The following SCARA5 variants were observed in gnomAD, a reference collection of about 807,000 sequenced individuals.
SCARA5 encodes the protein scavenger receptor class A member 5.
Under a neutral mutation model 46.3 loss-of-function variants are expected in SCARA5, and 45 were observed. That is an observed-to-expected ratio of 0.97 (90% CI 0.76 to 1.24). SCARA5 has a LOEUF of 1.24. Ranked by LOEUF, SCARA5 falls within the 50% of genes most tolerant of loss-of-function variation. The pLI is 0.00. For missense variants in SCARA5, 680 were observed against 689.0 expected (o/e 0.99, Z 0.15); for synonymous variants, 333 against 306.5 (o/e 1.09, Z -0.90).
intron 4 of SCARA5, chr8:27,910,121 C>T (rs1030872556): frequency 2.3e-5 from 4 of 176,078 alleles, no homozygotes; most frequent in African/African-American, 9.5e-5. Flanking sequence ...GGGGGTCAGC[C>T]CACATGGGGT....
At chr8:27,982,948 C>T (rs933573167) in intron 2 of SCARA5, among the ~76,000 whole-genome samples, 5 of 152,196 alleles carry the variant, frequency 3.3e-5, no homozygotes, top group Non-Finnish European at 7.3e-5. Context: ...AGGAGTGGAA[C>T]GGTGCCTGCA....
intron 3 of SCARA5, among the ~76,000 whole-genome samples, chr8:27,952,396 A>G (rs531080234): frequency 6.6e-5 from 10 of 152,280 alleles, no homozygotes; most frequent in African/African-American, 2.4e-4. Flanking sequence ...ACCATCTGGC[A>G]GTTGGAGATC....
At position 27,921,565 on chromosome 8, in the gene SCARA5, C is replaced by A. The variant is rs749249142; in HGVS notation, c.916+6G>T. ...GTGGGTGGAGGCAGCAAGGGCCTGG[C>A]GGTACCTTTCGCGAGGGAGATGTTC... On this transcript the variant is annotated splice_donor_region_variant and intron_variant, in intron 4 of 8. Coordinates refer to ENST00000354914, the MANE Select transcript of SCARA5 (RefSeq NM_173833.6). 14 of 1,542,000 alleles carry A rather than the reference C, an allele frequency of 9.1e-6. No individual in the cohort carries two copies. The highest frequency in any genetic ancestry group is 1.1e-5 in the Non-Finnish European group (13 of 1,140,070).
chr8:27,947,399 C>T (rs1808054853), intron 3 of SCARA5, among the ~76,000 whole-genome samples: 15 of 152,174 alleles, frequency 9.9e-5, no homozygotes, highest in Admixed American at 9.8e-4. Flanking sequence ...GAATTGAAAG[C>T]AAGGGCTTGA....
At chr8:27,947,079 T>G (rs1408365540) in intron 3 of SCARA5, among the ~76,000 whole-genome samples, 1 of 151,882 alleles carries the variant, frequency 6.6e-6, no homozygotes, top group Non-Finnish European at 1.5e-5. Flanking sequence ...TAGTGTGGCT[T>G]TGGATCACTG....
intron 3 of SCARA5, among the ~76,000 whole-genome samples, chr8:27,949,081 C>T (rs562229117): frequency 1.3e-5 from 2 of 152,396 alleles, no homozygotes; most frequent in South Asian, 2.1e-4. Flanking sequence ...TCCCTATCTA[C>T]TTCTTGCTCA....
rs74519053 is a variant in SCARA5, at chr8:27,906,355, G to A, written c.1096+793C>T. ...GACTGTAAAAGTAGGTTCCCCTAAC[G>A]TAAACAAGGGGACTGCCTACAGGAA... On this transcript the variant is annotated intron_variant, in intron 6 of 8. Coordinates refer to ENST00000354914, the MANE Select transcript of SCARA5 (RefSeq NM_173833.6). 0.014 allele frequency among the ~76,000 whole-genome samples: 2,057 copies of A among 152,344 alleles called. 103 individuals are homozygous for A. The East Asian group carries it at 0.14, about 10-fold the overall frequency.
At chr8:27,938,597 G>A (rs1455172494) in intron 3 of SCARA5, among the ~76,000 whole-genome samples, 2 of 152,190 alleles carry the variant, frequency 1.3e-5, no homozygotes, top group Admixed American at 1.3e-4. Context: ...TTGCATTTAA[G>A]GGAAAATCCT....
intron 2 of SCARA5, among the ~76,000 whole-genome samples, chr8:27,970,972 C>T (rs567093875): frequency 1.5e-4 from 23 of 152,184 alleles, no homozygotes; most frequent in African/African-American, 2.2e-4. Flanking sequence ...ATTTCTTATG[C>T]GGCAATAGAT....
At chr8:27,957,864 C>G (rs1313652744) in intron 3 of SCARA5, among the ~76,000 whole-genome samples, 3 of 152,200 alleles carry the variant, frequency 2.0e-5, no homozygotes, top group Non-Finnish European at 4.4e-5. Context: ...ATCAGTGAAG[C>G]CTAGCATGGG....
chr8:27,884,662 A>C (rs1384578064), intron 7 of SCARA5, among the ~76,000 whole-genome samples: 1 of 151,788 alleles, frequency 6.6e-6, no homozygotes, highest in Non-Finnish European at 1.5e-5. Flanking sequence ...ACGGTCGGAG[A>C]CTCCCTGACT....
At chr8:27,921,142 A>G (rs1337538748) in intron 4 of SCARA5, among the ~76,000 whole-genome samples, 1 of 152,232 alleles carries the variant, frequency 6.6e-6, no homozygotes, top group Non-Finnish European at 1.5e-5. Flanking sequence ...CTCTAACTCC[A>G]GATCTCCACC....
chr8:27,961,674 C>T (rs888877513), intron 3 of SCARA5, among the ~76,000 whole-genome samples: 4 of 152,106 alleles, frequency 2.6e-5, no homozygotes, highest in Non-Finnish European at 5.9e-5. Flanking sequence ...CTCCAAAGTC[C>T]CTACTTGTAA....
In SCARA5 at chr8:27,949,402, T is replaced by G. The variant is rs181625918; in HGVS notation, c.241+17012A>C. On this transcript the variant is annotated intron_variant, in intron 3 of 8. Transcript: ENST00000354914. ...CGTTGGACCTCAGTCTTCTCATCTGTGAATGGGGATAATAGTGTCTCCCTC... is the reference window on the plus strand; with the variant it reads ...CGTTGGACCTCAGTCTTCTCATCTGGGAATGGGGATAATAGTGTCTCCCTC... Among the ~76,000 whole-genome samples the G allele has an allele frequency of 1.9e-3, 291 of 152,340 alleles. 6 individuals carry two copies. The highest frequency in any genetic ancestry group is 0.018 in the Admixed American group (271 of 15,306).
At chr8:27,923,597 G>A (rs1807634738) in intron 3 of SCARA5, among the ~76,000 whole-genome samples, 1 of 152,176 alleles carries the variant, frequency 6.6e-6, no homozygotes, top group South Asian at 2.1e-4. Context: ...TTGAGACAGA[G>A]TCTCACTCTG....
intron 2 of SCARA5, among the ~76,000 whole-genome samples, chr8:27,970,644 G>T (rs1045172102): frequency 1.3e-5 from 2 of 152,188 alleles, no homozygotes; most frequent in Admixed American, 1.3e-4. Flanking sequence ...CAGCACCTCT[G>T]CTACTGCCGT....
At chr8:27,937,557 C>T (rs866474386) in intron 3 of SCARA5, among the ~76,000 whole-genome samples, 1 of 152,320 alleles carries the variant, frequency 6.6e-6, no homozygotes, top group Non-Finnish European at 1.5e-5. Flanking sequence ...CTCAGGACCC[C>T]TTCTCACCAA....
intron 3 of SCARA5, among the ~76,000 whole-genome samples, chr8:27,950,687 G>A (rs985418958): frequency 6.6e-6 from 1 of 152,260 alleles, no homozygotes; most frequent in East Asian, 1.9e-4. Context: ...GAGGGACAGA[G>A]TGGGGCCCTC....
intron 7 of SCARA5, among the ~76,000 whole-genome samples, chr8:27,899,738 T>C (rs748299943): frequency 1.3e-5 from 2 of 152,214 alleles, no homozygotes; most frequent in Non-Finnish European, 2.9e-5. Context: ...TGCCATGCTG[T>C]ACTATTTGGG....
Sources: allele counts gnomAD v4.1 joint callset (sites outside exome capture counted in the v4.1 genomes callset), GRCh38; gene constraint gnomAD v4.1.1; transcripts MANE v1.5; gene names NCBI Gene and HGNC (gene_info 2026-07-23, HGNC 2026-07-21).